The following CPEB2 variants were observed in gnomAD, a reference collection of about 807,000 sequenced individuals.
CPEB2 encodes cytoplasmic polyadenylation element-binding protein 2.
CPEB2 carries 56 observed loss-of-function variants against 93.6 expected under a neutral mutation model. The ratio of observed to expected loss-of-function variants is 0.60; its 90% CI spans 0.48 to 0.75. CPEB2 has a LOEUF of 0.75. Among genes scored for constraint, CPEB2 ranks in the 30% least tolerant of loss-of-function variants. CPEB2 has a pLI of 0.00. For synonymous variants in CPEB2, 764 were observed against 586.3 expected (o/e 1.30, Z -4.38); for missense variants, 1,579 against 1,395.1 (o/e 1.13, Z -2.10).
At chr4:15,055,831 T>C (rs2109089406) in intron 8 of CPEB2, among the ~76,000 whole-genome samples, 1 of 152,306 alleles carries the variant, frequency 6.6e-6, no homozygotes, top group African/African-American at 2.4e-5. Flanking sequence ...TTATGTATGA[T>C]ACTCTCTAGA....
intron 5 of CPEB2, among the ~76,000 whole-genome samples, chr4:15,037,657 T>C (rs1414551203): frequency 6.6e-6 from 1 of 152,188 alleles, no homozygotes; most frequent in East Asian, 1.9e-4. Flanking sequence ...CTCAAAGCCT[T>C]CTTATTTTTA....
At chr4:15,026,752 A>G (rs1198980997) in intron 4 of CPEB2, among the ~76,000 whole-genome samples, 1 of 152,246 alleles carries the variant, frequency 6.6e-6, no homozygotes, top group Non-Finnish European at 1.5e-5. Context: ...TATTGTATCT[A>G]TACATGTAAA....
chr4:15,003,781 T>A lies in CPEB2; in HGVS notation c.1108T>A (p.Ser370Thr), dbSNP rs1166075097. ...CCCAGGAGGCGGAGGGGGAGGCGGCTCCGCGTCGCCGCCGCCGCTGCCCGG... is the reference window on the plus strand; with the variant it reads ...CCCAGGAGGCGGAGGGGGAGGCGGCACCGCGTCGCCGCCGCCGCTGCCCGG... The part of the protein sequence containing the change: ...GPPGGGGGGG[S>T]ASPPPLPGFG... Residue 370 changes from serine to threonine, a missense_variant, in exon 1 of 12, where the codon TCC becomes ACC. Physicochemically the swap from Ser to Thr is moderately conservative, Grantham distance 58. Coordinates refer to ENST00000538197, the MANE Select transcript of CPEB2 (RefSeq NM_001177382.2). 7 of 665,394 alleles carry A rather than the reference T, an allele frequency of 1.1e-5. No homozygotes were observed. Among genetic ancestry groups the A allele is most frequent in the Admixed American group, 5.3e-5 (1 of 18,836 alleles). The allele number at this position is 665,394 out of a possible 1,614,324, so 41.2% of individuals were successfully genotyped here.
At chr4:15,018,076 A>G (rs919526906) in intron 4 of CPEB2, among the ~76,000 whole-genome samples, 3 of 151,916 alleles carry the variant, frequency 2.0e-5, no homozygotes, top group Non-Finnish European at 4.4e-5. Flanking sequence ...TACCTTAAAC[A>G]GTTTCTGTGA....
chr4:15,042,210 AG>A (rs1312341127), intron 6 of CPEB2, among the ~76,000 whole-genome samples: 2 of 152,198 alleles, frequency 1.3e-5, no homozygotes, highest in African/African-American at 4.8e-5. Context: ...ACTTACATTT[AG>A]TCTAATTTCG....
In CPEB2 at chr4:15,022,139, T is replaced by A. The variant is rs560538485; in HGVS notation, c.2125+4861T>A. On this transcript the variant is annotated intron_variant, in intron 4 of 11. Transcript: ENST00000538197. ...TGAGACTGTGTCAACCATGTGGTTT[T>A]CAGGGCCCACCCTAGAAGTGGTGTA... Among the ~76,000 whole-genome samples the A allele has an allele frequency of 2.0e-5, 3 of 152,316 alleles. No individual in the cohort carries two copies. The South Asian group carries it at 6.2e-4, about 32-fold the overall frequency.
chr4:15,009,398 T>C (rs1723202213), intron 3 of CPEB2, among the ~76,000 whole-genome samples: 1 of 152,220 alleles, frequency 6.6e-6, no homozygotes, highest in Admixed American at 6.5e-5. Context: ...TTTTCCAAAG[T>C]AGTCCTGCCA....
intron 5 of CPEB2, among the ~76,000 whole-genome samples, chr4:15,035,942 C>G (rs753772386): frequency 6.6e-6 from 1 of 152,154 alleles, no homozygotes; most frequent in East Asian, 1.9e-4. Context: ...CATACTGTTA[C>G]AATTGTTGGG....
At chr4:15,017,506 G>T (rs924965910) in intron 4 of CPEB2, 1 of 335,088 alleles carries the variant, frequency 3.0e-6, no homozygotes, top group Non-Finnish European at 5.4e-6. Flanking sequence ...TTACTATTTA[G>T]AGACATGCTT....
At chr4:15,021,288 T>C (rs1724782263) in intron 4 of CPEB2, among the ~76,000 whole-genome samples, 1 of 152,188 alleles carries the variant, frequency 6.6e-6, no homozygotes, top group African/African-American at 2.4e-5. Context: ...GCAAATAATT[T>C]GCTTTTCAAA....
intron 9 of CPEB2, 111 bp downstream of exon 9, chr4:15,058,650 GT>G: frequency 1.5e-6 from 1 of 686,608 alleles, no homozygotes; most frequent in Non-Finnish European, 2.6e-6. Flanking sequence ...TTGAGTTTTA[GT>G]TTTTGAAACA....
intron 8 of CPEB2, among the ~76,000 whole-genome samples, chr4:15,058,146 T>C (rs189941605): frequency 3.9e-5 from 6 of 152,338 alleles, no homozygotes; most frequent in Admixed American, 6.5e-5. Context: ...GAATAATATT[T>C]CATAGACTTT....
chr4:15,010,299 G>C (rs1429163884), intron 3 of CPEB2, among the ~76,000 whole-genome samples: 1 of 152,114 alleles, frequency 6.6e-6, no homozygotes, highest in African/African-American at 2.4e-5. Flanking sequence ...CACTTTCTCT[G>C]ATCTGTTTTG....
In CPEB2 at chr4:15,003,207, G is replaced by A. The variant is rs906444491; in HGVS notation, c.534G>A (p.Lys178=). The change falls in exon 1 of 12, where the codon AAG becomes AAA. Residue 178 remains lysine, a synonymous_variant. Transcript: ENST00000538197. ...AGCAGCAGCAGCTGAGCAGCCAGAAGAGGAAAGAGTTCAGCCCTCCCCACC... is the reference window on the plus strand; with the variant it reads ...AGCAGCAGCAGCTGAGCAGCCAGAAAAGGAAAGAGTTCAGCCCTCCCCACC... ...KRQQQQLSSQ[K]RKEFSPPHLP... 7 of 1,533,914 alleles carry A rather than the reference G, an allele frequency of 4.6e-6. No homozygotes were observed. The Admixed American group carries it at 9.8e-5, about 22-fold the overall frequency.
chr4:15,014,175 A>G (rs1415871128), intron 3 of CPEB2, among the ~76,000 whole-genome samples: 1 of 152,068 alleles, frequency 6.6e-6, no homozygotes, highest in Non-Finnish European at 1.5e-5. Context: ...TACTTGGGAA[A>G]TATTGTTTGG....
intron 4 of CPEB2, among the ~76,000 whole-genome samples, chr4:15,019,676 C>T (rs1724599459): frequency 6.6e-6 from 1 of 151,974 alleles, no homozygotes; most frequent in African/African-American, 2.4e-5. Context: ...TGCTGTTTTA[C>T]AAACCAGCCA....
At chr4:15,004,386 G>A (rs1328360209) in intron 1 of CPEB2, 51 bp downstream of exon 1, 8 of 1,315,998 alleles carry the variant, frequency 6.1e-6, no homozygotes, top group Middle Eastern at 2.7e-4. Flanking sequence ...GACCATGGGC[G>A]GGGGACGGAG....
At chr4:15,010,241 G>T (rs1358631022) in intron 3 of CPEB2, among the ~76,000 whole-genome samples, 1 of 152,126 alleles carries the variant, frequency 6.6e-6, no homozygotes, top group Non-Finnish European at 1.5e-5. Context: ...ATCTGTAAAA[G>T]GGGGACCTTG....
intron 10 of CPEB2, among the ~76,000 whole-genome samples, chr4:15,061,104 G>A (rs948664885): frequency 6.6e-6 from 1 of 152,110 alleles, no homozygotes; most frequent in African/African-American, 2.4e-5. Flanking sequence ...TACCGAGTGT[G>A]GCCAGTGCCT....
Sources: allele counts gnomAD v4.1 joint callset (sites outside exome capture counted in the v4.1 genomes callset), GRCh38; gene constraint gnomAD v4.1.1; transcripts MANE v1.5; gene names NCBI Gene and HGNC (gene_info 2026-07-23, HGNC 2026-07-21).